Variants in MTUS1 observed in about 807,000 individuals in gnomAD.
MTUS1 encodes the protein microtubule-associated tumor suppressor 1.
In MTUS1, 109 loss-of-function variants were observed where a neutral mutation model predicts 120.8. The observed-to-expected ratio is 0.90, with a 90% CI of 0.77 to 1.06. The LOEUF (loss-of-function observed/expected upper bound fraction) is 1.06. MTUS1 is among the 50% of genes least tolerant of loss of function. The pLI is 0.00. For synonymous variants in MTUS1, 737 were observed against 550.5 expected, an observed-to-expected ratio of 1.34 and a Z score of -4.74; for missense variants, 2,210 against 1,486.3, an observed-to-expected ratio of 1.49 and a Z score of -8.01.
intron 3 of MTUS1, among the ~76,000 whole-genome samples, chr8:17,729,371 A>G (rs1236215919): frequency 6.6e-6 from 1 of 152,228 alleles, no homozygotes; most frequent in African/African-American, 2.4e-5. Context: ...CTTAGCTTCA[A>G]TGGTAGAGTA....
In MTUS1 at chr8:17,676,128, C is replaced by T; in HGVS notation, c.2839-876G>A. 4 of 628,772 alleles carry T rather than the reference C, an allele frequency of 6.4e-6. No individual in the cohort carries two copies. In the East Asian group the frequency reaches 8.2e-5, roughly 13 times the overall value. 38.9% of individuals were successfully genotyped at this position (628,772 alleles called of 1,614,324 possible). A position where few individuals can be genotyped will look rare whatever the true frequency, so the allele number is the denominator to read the frequency against. ...ACCCAAGACGGAGCTCCCACCACAT[C>T]CTGATCACAGCGTTGCAGAGATCAT... On this transcript the variant is annotated intron_variant, in intron 7 of 14. Coordinates refer to ENST00000693296, the MANE Select transcript of MTUS1 (RefSeq NM_001363059.2).
In MTUS1 at chr8:17,755,686, G is replaced by A. The variant is rs201829280; in HGVS notation, c.122C>T (p.Ala41Val). The A allele has an allele frequency of 4.0e-5, 65 of 1,614,174 alleles. No homozygotes were observed. The highest frequency in any genetic ancestry group is 1.9e-4 in the South Asian group (17 of 91,078). ...GGCAGAATTCCAGTTCACACTGCTGGCTGAAGAGTTTTGTGTAGGTGGTGA... is the reference window on the plus strand; with the variant it reads ...GGCAGAATTCCAGTTCACACTGCTGACTGAAGAGTTTTGTGTAGGTGGTGA... ...PKSPPTQNSS[A>V]SSVNWNSANP... Residue 41 changes from alanine (A) to valine (V), a missense_variant, in exon 2 of 15, where the codon GCC becomes GTC. Ala to Val is a moderately conservative substitution (Grantham distance 64). Coordinates refer to ENST00000693296, the MANE Select transcript of MTUS1 (RefSeq NM_001363059.2).
chr8:17,734,970 GT>G (rs1326445028), intron 3 of MTUS1, among the ~76,000 whole-genome samples: 1 of 151,920 alleles, frequency 6.6e-6, no homozygotes, highest in East Asian at 1.9e-4. Flanking sequence ...CAGGAGCACA[GT>G]GGTGCAATCA....
chr8:17,709,856 A>C (rs1433414459), intron 6 of MTUS1, among the ~76,000 whole-genome samples: 3 of 151,818 alleles, frequency 2.0e-5, no homozygotes, highest in African/African-American at 7.3e-5. Context: ...AAATACAAAA[A>C]ATTAGCCGGG....
intron 6 of MTUS1, chr8:17,697,738 A>G: frequency 6.0e-6 from 6 of 995,146 alleles, no homozygotes; most frequent in Non-Finnish European, 7.2e-6. Flanking sequence ...GGGTGGTCTC[A>G]GGAGCTTTAC....
intron 7 of MTUS1, chr8:17,681,498 A>G (rs1247554343): frequency 6.5e-6 from 1 of 154,636 alleles, no homozygotes; most frequent in Non-Finnish European, 1.5e-5. Flanking sequence ...TCTATGCCTC[A>G]ATTTTCATAT....
intron 6 of MTUS1, among the ~76,000 whole-genome samples, chr8:17,687,414 C>T (rs1450432254): frequency 2.6e-5 from 4 of 152,136 alleles, no homozygotes; most frequent in Admixed American, 1.3e-4. Flanking sequence ...CCAGGGGTTC[C>T]CTTAAATCCT....
intron 3 of MTUS1, among the ~76,000 whole-genome samples, chr8:17,742,024 G>C (rs2047353087): frequency 1.3e-5 from 2 of 152,172 alleles, no homozygotes; most frequent in South Asian, 4.1e-4. Flanking sequence ...TCACAGAGGA[G>C]GAAGGGAGCT....
intron 13 of MTUS1, among the ~76,000 whole-genome samples, chr8:17,647,931 C>G (rs998893125): frequency 1.3e-5 from 2 of 152,150 alleles, no homozygotes; most frequent in African/African-American, 4.8e-5. Flanking sequence ...TAGTTTGGAA[C>G]CTGATTGTTC....
At chr8:17,719,363 C>A (rs969531487) in intron 4 of MTUS1, among the ~76,000 whole-genome samples, 5 of 152,144 alleles carry the variant, frequency 3.3e-5, no homozygotes, top group Non-Finnish European at 7.3e-5. Flanking sequence ...CATCTGCCCA[C>A]TTGGCTTAAA....
intron 6 of MTUS1, chr8:17,704,079 G>A (rs454517): frequency 0.4 from 61,549 of 152,244 alleles, 12,811 homozygotes; most frequent in East Asian, 0.73. Flanking sequence ...TTCTCAGACC[G>A]GCCAACACTT....
At chr8:17,783,709 C>G (rs2051075002) in intron 1 of MTUS1, among the ~76,000 whole-genome samples, 3 of 152,118 alleles carry the variant, frequency 2.0e-5, no homozygotes, top group Admixed American at 2.0e-4. Context: ...TTGGTGACAG[C>G]CTTTACAATC....
At chr8:17,657,366 A>C (rs1229105269) in intron 8 of MTUS1, among the ~76,000 whole-genome samples, 40 of 151,562 alleles carry the variant, frequency 2.6e-4, no homozygotes, top group African/African-American at 9.4e-4. Context: ...CAGGAGATCG[A>C]GACCATCCCG....
In MTUS1 at chr8:17,754,450, T is replaced by G. The variant is rs17690844; in HGVS notation, c.1358A>C (p.Lys453Thr). 0.038 allele frequency: 61,485 copies of G among 1,614,176 alleles called. 2,793 individuals are homozygous for G. Among genetic ancestry groups the G allele is most frequent in the East Asian group, 0.22 (9,815 of 44,880 alleles). Residue 453 changes from lysine (K) to threonine (T), a missense_variant, in exon 2 of 15, where the codon AAA (lysine) becomes ACA (threonine). Physicochemically the swap from Lys to Thr is moderately conservative, Grantham distance 78. Coordinates refer to ENST00000693296, the MANE Select transcript of MTUS1 (RefSeq NM_001363059.2). Reference protein sequence around the residue: ...SPIEATEKCKKVEKGNRGLKN... With the variant: ...SPIEATEKCKTVEKGNRGLKN... ...AAGCCCTCGATTACCCTTCTCCACTTTCTTACATTTCTCCGTCGCTTCAAT... is the reference window on the plus strand; with the variant it reads ...AAGCCCTCGATTACCCTTCTCCACTGTCTTACATTTCTCCGTCGCTTCAAT...
intron 2 of MTUS1, 121 bp downstream of exon 2, chr8:17,753,596 A>G: frequency 1.5e-6 from 1 of 658,898 alleles, no homozygotes; most frequent in South Asian, 2.3e-5. Flanking sequence ...TTAACAACTA[A>G]ATGTAAATCT....
intron 2 of MTUS1, among the ~76,000 whole-genome samples, chr8:17,752,023 T>C (rs1027520435): frequency 6.6e-6 from 1 of 152,178 alleles, no homozygotes; most frequent in Non-Finnish European, 1.5e-5. Context: ...CGAAAAGTGC[T>C]GTTTCTCCAA....
intron 6 of MTUS1, among the ~76,000 whole-genome samples, chr8:17,689,966 C>G (rs1019558244): frequency 6.6e-6 from 1 of 151,826 alleles, no homozygotes; most frequent in African/African-American, 2.4e-5. Flanking sequence ...CATTGGCCGA[C>G]GCAAGGAATT....
intron 6 of MTUS1, among the ~76,000 whole-genome samples, chr8:17,688,529 T>C (rs1287086937): frequency 1.3e-5 from 2 of 152,094 alleles, no homozygotes; most frequent in Non-Finnish European, 2.9e-5. Context: ...TAGTGAGAGG[T>C]CTCTCTCTGC....
rs1396466198 is a variant in MTUS1 at position 17,700,260 on chromosome 8, G to A, written c.2623+12954C>T. 4.6e-5 allele frequency among the ~76,000 whole-genome samples: 7 copies of A among 152,000 alleles called. No homozygotes were observed. In the East Asian group the frequency reaches 1.4e-3, roughly 29 times the overall value. On this transcript the variant is annotated intron_variant, in intron 6 of 14. Transcript: ENST00000693296. ...AGGCAGGTGGGATCACCTGAGGTCA[G>A]AAGTTCAAGACCAGCCTGGCCAACA...
Sources: allele counts gnomAD v4.1 joint callset (sites outside exome capture counted in the v4.1 genomes callset), GRCh38; gene constraint gnomAD v4.1.1; transcripts MANE v1.5; gene names NCBI Gene and HGNC (gene_info 2026-07-23, HGNC 2026-07-21).